The following PCDH15 variants were observed in gnomAD, a reference collection of about 807,000 sequenced individuals.
The protein encoded by PCDH15 is protocadherin-15.
A neutral mutation model predicts 178.5 loss-of-function variants in PCDH15; 129 were observed. The ratio of observed to expected loss-of-function variants is 0.72; its 90% CI spans 0.63 to 0.84. The LOEUF is 0.84. PCDH15 is among the 40% of genes least tolerant of loss of function. The pLI, the probability that PCDH15 is intolerant of heterozygous loss-of-function variation, is 0.00. For missense variants in PCDH15, 2,230 were observed against 2,099.9 expected (o/e 1.06, Z -1.21); for synonymous variants, 800 against 732.0 (o/e 1.09, Z -1.50).
chr10:54,856,757 T>C (rs1437813191), intron 3 of PCDH15, among the ~76,000 whole-genome samples: 1 of 152,138 alleles, frequency 6.6e-6, no homozygotes, highest in Non-Finnish European at 1.5e-5. Flanking sequence ...GATGATCCTG[T>C]GCATATTCTT....
chr10:54,288,010 A>T (rs2132912605), intron 8 of PCDH15, among the ~76,000 whole-genome samples: 1 of 152,184 alleles, frequency 6.6e-6, no homozygotes, highest in Non-Finnish European at 1.5e-5. Flanking sequence ...GGAATAGTTG[A>T]TGATGATGAT....
intron 26 of PCDH15, among the ~76,000 whole-genome samples, chr10:53,872,574 C>T (rs1438411157): frequency 6.6e-6 from 1 of 152,140 alleles, no homozygotes; most frequent in Non-Finnish European, 1.5e-5. Flanking sequence ...TCCTCTTGGA[C>T]CAAACTAACC....
At chr10:55,437,952 C>G (rs1173355869) in intron 2 of PCDH15, among the ~76,000 whole-genome samples, 1 of 151,052 alleles carries the variant, frequency 6.6e-6, no homozygotes, top group Non-Finnish European at 1.5e-5. Context: ...GTTCTCCTGC[C>G]TCAGCCTCCC....
intron 14 of PCDH15, among the ~76,000 whole-genome samples, chr10:54,134,616 G>T (rs12262102): frequency 0.015 from 2,340 of 151,786 alleles, 77 homozygotes; most frequent in African/African-American, 0.054. Flanking sequence ...AGCTTGGCGT[G>T]GTTGCGGGCG....
chr10:54,082,396 A>T (rs1483304725), intron 16 of PCDH15, among the ~76,000 whole-genome samples: 2 of 152,196 alleles, frequency 1.3e-5, no homozygotes, highest in Admixed American at 1.3e-4. Context: ...GTACTGGGGA[A>T]TACAGAATAA....
chr10:54,937,056 G>A (rs1354666539), intron 2 of PCDH15, among the ~76,000 whole-genome samples: 1 of 151,872 alleles, frequency 6.6e-6, no homozygotes, highest in Non-Finnish European at 1.5e-5. Flanking sequence ...TAATTGTTGT[G>A]TATGTATTTA....
chr10:54,548,644 C>CT (rs397963470), intron 2 of PCDH15, among the ~76,000 whole-genome samples: 1 of 10,790 alleles, frequency 9.3e-5, no homozygotes, highest in African/African-American at 1.6e-4. Context: ...ATATATAATA[C>CT]TTATATAAAT....
intron 1 of PCDH15, among the ~76,000 whole-genome samples, chr10:54,750,985 A>T (rs781620025): frequency 1.3e-5 from 2 of 152,146 alleles, no homozygotes; most frequent in African/African-American, 4.8e-5. Context: ...TAAACAATTT[A>T]TGGCTTTCTA....
chr10:54,242,763 A>T (rs1356250315), intron 8 of PCDH15, among the ~76,000 whole-genome samples: 1 of 152,142 alleles, frequency 6.6e-6, no homozygotes, highest in Non-Finnish European at 1.5e-5. Flanking sequence ...ATAGTAGTAT[A>T]CTGAATGTGC....
chr10:54,873,849 C>T (rs184358220), intron 3 of PCDH15, among the ~76,000 whole-genome samples: 404 of 149,558 alleles, frequency 2.7e-3, no homozygotes, highest in Non-Finnish European at 4.2e-3. Context: ...GGGCATTCTG[C>T]CTATTAGCTG....
chr10:54,962,413 C>A (rs11004648), intron 2 of PCDH15, among the ~76,000 whole-genome samples: 6 of 151,964 alleles, frequency 3.9e-5, no homozygotes, highest in African/African-American at 1.4e-4. Flanking sequence ...ATATCTCCCC[C>A]CATTTGCCAC....
chr10:54,196,792 G>T (rs1466190393), intron 10 of PCDH15, among the ~76,000 whole-genome samples: 3 of 152,100 alleles, frequency 2.0e-5, no homozygotes, highest in African/African-American at 7.2e-5. Context: ...TATAGAAAAG[G>T]GTCTAGAGGG....
intron 25 of PCDH15, among the ~76,000 whole-genome samples, chr10:53,934,623 A>T (rs898168238): frequency 3.3e-5 from 5 of 151,902 alleles, no homozygotes; most frequent in Admixed American, 2.6e-4. Context: ...TCACACGGAG[A>T]TGTAACATGT....
intron 2 of PCDH15, among the ~76,000 whole-genome samples, chr10:55,032,065 G>A (rs1184031519): frequency 3.3e-5 from 5 of 152,106 alleles, no homozygotes; most frequent in Admixed American, 6.6e-5. Flanking sequence ...TGAAAATTAC[G>A]GGGGATCTAC....
chr10:53,948,388 T>C (rs144673357), intron 23 of PCDH15, among the ~76,000 whole-genome samples: 1 of 152,306 alleles, frequency 6.6e-6, no homozygotes, highest in East Asian at 1.9e-4. Context: ...TTATTTGACA[T>C]TAATATAGTA....
At chr10:55,590,400 C>A (rs535804353) in intron 2 of PCDH15, among the ~76,000 whole-genome samples, 13 of 151,730 alleles carry the variant, frequency 8.6e-5, no homozygotes, top group African/African-American at 3.1e-4. Context: ...CAGCATGGCA[C>A]ATGTATACAT....
chr10:54,810,590 A>G (rs1031338910), intron 3 of PCDH15, among the ~76,000 whole-genome samples: 8 of 152,148 alleles, frequency 5.3e-5, no homozygotes, highest in African/African-American at 1.7e-4. Flanking sequence ...ATGGTACCCC[A>G]AATCTTTTGC....
At chr10:54,826,043 G>A (rs1564543452) in intron 3 of PCDH15, among the ~76,000 whole-genome samples, 1 of 151,918 alleles carries the variant, frequency 6.6e-6, no homozygotes, top group Admixed American at 6.6e-5. Context: ...TAATTCCATT[G>A]TAGAATGAAA....
chr10:54,450,125 T>TTATAAA (rs1565307999), intron 3 of PCDH15, among the ~76,000 whole-genome samples: 1 of 73,888 alleles, frequency 1.4e-5, no homozygotes, highest in African/African-American at 4.3e-5. Context: ...TATTCCTTTT[T>TTATAAA]TATAAATATA....
Sources: allele counts gnomAD v4.1 joint callset (sites outside exome capture counted in the v4.1 genomes callset), GRCh38; gene constraint gnomAD v4.1.1; transcripts MANE v1.5; gene names NCBI Gene and HGNC (gene_info 2026-07-23, HGNC 2026-07-21).